The following KIAA1549L variants were observed in gnomAD, a reference collection of about 807,000 sequenced individuals.
KIAA1549L encodes the protein KIAA1549 like.
KIAA1549L carries 88 observed loss-of-function variants against 160.7 expected under a neutral mutation model. That is an observed-to-expected ratio of 0.55 (90% CI 0.46 to 0.65). The LOEUF is 0.65. Among genes scored for constraint, KIAA1549L ranks in the 30% least tolerant of loss-of-function variants. The probability of loss-of-function intolerance (pLI) is 0.00; values close to 1 mark genes in which losing one functional copy is unlikely to be tolerated. For missense variants in KIAA1549L, 2,258 were observed against 2,437.5 expected, an observed-to-expected ratio of 0.93 and a Z score of 1.55; for synonymous variants, 950 against 976.7, an observed-to-expected ratio of 0.97 and a Z score of 0.51.
intron 1 of KIAA1549L, among the ~76,000 whole-genome samples, chr11:33,477,231 G>T (rs967960656): frequency 6.6e-6 from 1 of 152,172 alleles, no homozygotes; most frequent in Non-Finnish European, 1.5e-5. Context: ...GCCTGAGCCC[G>T]AGGAGGAGGA....
chr11:33,497,702 CAACAA>C (rs1269845886), intron 1 of KIAA1549L, among the ~76,000 whole-genome samples: 1 of 152,036 alleles, frequency 6.6e-6, no homozygotes, highest in East Asian at 1.9e-4. Context: ...AAAAAGAACA[CAACAA>C]AACAAGGCAG....
At chr11:33,474,409 T>C (rs1852242748) in intron 1 of KIAA1549L, among the ~76,000 whole-genome samples, 1 of 152,244 alleles carries the variant, frequency 6.6e-6, no homozygotes, top group Non-Finnish European at 1.5e-5. Flanking sequence ...TGCTCGTTGC[T>C]CTTCTGTGAG....
intron 1 of KIAA1549L, among the ~76,000 whole-genome samples, chr11:33,459,950 G>T (rs1314361016): frequency 1.7e-5 from 1 of 59,554 alleles, no homozygotes; most frequent in Admixed American, 1.8e-4. Flanking sequence ...GACAGAGCGA[G>T]ACTCCGTCTC....
At chr11:33,534,174 C>T (rs971203576) in intron 1 of KIAA1549L, among the ~76,000 whole-genome samples, 4 of 152,032 alleles carry the variant, frequency 2.6e-5, no homozygotes, top group Admixed American at 1.3e-4. Flanking sequence ...CGTCTGCCTC[C>T]CAGGTTCAAG....
At chr11:33,626,931 A>G (rs1851130364) in intron 16 of KIAA1549L, among the ~76,000 whole-genome samples, 1 of 74,926 alleles carries the variant, frequency 1.3e-5, no homozygotes, top group East Asian at 3.4e-4. Context: ...AATACGTCCC[A>G]TCAATACCTA....
chr11:33,661,879 C>CAAAAAAA (rs59140753), intron 20 of KIAA1549L, among the ~76,000 whole-genome samples: 2 of 36,320 alleles, frequency 5.5e-5, no homozygotes, highest in African/African-American at 7.6e-5. Context: ...GACTATGTCT[C>CAAAAAAA]AAAAAAAAAA....
chr11:33,610,453 A>G (rs1433921098), intron 15 of KIAA1549L, among the ~76,000 whole-genome samples: 12 of 152,204 alleles, frequency 7.9e-5, no homozygotes, highest in Admixed American at 1.3e-4. Flanking sequence ...TTTATTCGAC[A>G]TATATTGTCA....
At chr11:33,470,620 G>C (rs1852158578) in intron 1 of KIAA1549L, among the ~76,000 whole-genome samples, 1 of 151,778 alleles carries the variant, frequency 6.6e-6, no homozygotes, top group African/African-American at 2.4e-5. Context: ...TTTGTTTTTT[G>C]GTAGAGATGG....
At chr11:33,536,652 C>T (rs1462086559) in intron 1 of KIAA1549L, among the ~76,000 whole-genome samples, 1 of 152,174 alleles carries the variant, frequency 6.6e-6, no homozygotes, top group Non-Finnish European at 1.5e-5. Context: ...GGGACATAGA[C>T]ACCACCTCTT....
At chr11:33,534,986 C>T (rs1185105749) in intron 1 of KIAA1549L, among the ~76,000 whole-genome samples, 1 of 152,172 alleles carries the variant, frequency 6.6e-6, no homozygotes, top group Non-Finnish European at 1.5e-5. Context: ...TCACAATTTC[C>T]ATGAGTTGAG....
intron 11 of KIAA1549L, among the ~76,000 whole-genome samples, chr11:33,587,422 C>T (rs1849915399): frequency 6.6e-6 from 1 of 152,132 alleles, no homozygotes; most frequent in Non-Finnish European, 1.5e-5. Flanking sequence ...GAGTAGTAGT[C>T]CTGCGCCACT....
At chr11:33,474,677 C>T (rs1026178207) in intron 1 of KIAA1549L, among the ~76,000 whole-genome samples, 1 of 152,154 alleles carries the variant, frequency 6.6e-6, no homozygotes. Context: ...ATGATAATAG[C>T]CACTTTGGGA....
At chr11:33,597,085 T>G (rs1850221022) in intron 12 of KIAA1549L, among the ~76,000 whole-genome samples, 1 of 152,220 alleles carries the variant, frequency 6.6e-6, no homozygotes, top group African/African-American at 2.4e-5. Flanking sequence ...TGTGACCGAA[T>G]AAATTTGGAA....
At chr11:33,422,181 G>A (rs1248259153) in intron 1 of KIAA1549L, among the ~76,000 whole-genome samples, 3 of 151,804 alleles carry the variant, frequency 2.0e-5, no homozygotes, top group East Asian at 3.9e-4. Context: ...ACCTGTGGAT[G>A]CCCAGGATCC....
In KIAA1549L at chr11:33,585,247, G is replaced by A. The variant is rs977870404; in HGVS notation, c.4566+1746G>A. Among the ~76,000 whole-genome samples the A allele has an allele frequency of 4.6e-5, 7 of 152,296 alleles. No individual in the cohort carries two copies. In the East Asian group the frequency reaches 7.7e-4, roughly 17 times the overall value. ...AAGAGTGTGCATTTTGGCCGGGCGC[G>A]GTGGCTCACGCCTGTAATCCCAGCA... On this transcript the variant is annotated intron_variant, in intron 11 of 20. Coordinates refer to ENST00000658780, the MANE Select transcript of KIAA1549L (RefSeq NM_012194.3).
At chr11:33,508,106 T>C (rs1216490202) in intron 1 of KIAA1549L, among the ~76,000 whole-genome samples, 1 of 152,214 alleles carries the variant, frequency 6.6e-6, no homozygotes, top group East Asian at 1.9e-4. Context: ...TGCCTTTCTC[T>C]GCACAGGACT....
At chr11:33,588,954 C>T (rs1849962576) in intron 11 of KIAA1549L, among the ~76,000 whole-genome samples, 1 of 152,194 alleles carries the variant, frequency 6.6e-6, no homozygotes, top group Non-Finnish European at 1.5e-5. Flanking sequence ...CCATCCTGTT[C>T]TGAGACACAG....
At chr11:33,466,292 C>G (rs2133013088) in intron 1 of KIAA1549L, among the ~76,000 whole-genome samples, 1 of 152,224 alleles carries the variant, frequency 6.6e-6, no homozygotes, top group South Asian at 2.1e-4. Flanking sequence ...ACAACCCCAT[C>G]AAAAAGTGGG....
intron 20 of KIAA1549L, among the ~76,000 whole-genome samples, chr11:33,664,894 A>C (rs192910980): frequency 1.3e-5 from 2 of 152,242 alleles, no homozygotes; most frequent in Non-Finnish European, 2.9e-5. Context: ...ATTGCTGTTA[A>C]GCATGGGAAC....
Sources: allele counts gnomAD v4.1 joint callset (sites outside exome capture counted in the v4.1 genomes callset), GRCh38; gene constraint gnomAD v4.1.1; transcripts MANE v1.5; gene names NCBI Gene and HGNC (gene_info 2026-07-23, HGNC 2026-07-21).